SMPD4: variants seen among roughly 807,000 people sequenced by gnomAD.
The protein encoded by SMPD4 is sphingomyelin phosphodiesterase 4, also known as neutral sphingomyelinase 3.
SMPD4 carries 58 observed loss-of-function variants against 97.8 expected under a neutral mutation model. That is an observed-to-expected ratio of 0.59 (90% CI 0.48 to 0.74). The LOEUF (loss-of-function observed/expected upper bound fraction) is 0.74. Ranked by LOEUF, SMPD4 falls within the 30% of genes least tolerant of loss-of-function variation. The probability of loss-of-function intolerance (pLI) is 0.00; values close to 1 mark genes in which losing one functional copy is unlikely to be tolerated. For synonymous variants in SMPD4, 388 were observed against 450.0 expected, an observed-to-expected ratio of 0.86 and a Z score of 1.74; for missense variants, 853 against 1,080.5, an observed-to-expected ratio of 0.79 and a Z score of 2.95.
chr2:130,180,359 G>A (rs10928961), intron 1 of SMPD4, among the ~76,000 whole-genome samples: 56,357 of 151,458 alleles, frequency 0.37, 10,671 homozygotes, highest in East Asian at 0.46. Flanking sequence ...TGCAACCTCC[G>A]CCTCGCGGGT....
chr2:130,166,358 AACCTTCCAGT>A (rs1687928096), intron 9 of SMPD4, among the ~76,000 whole-genome samples: 1 of 151,302 alleles, frequency 6.6e-6, no homozygotes, highest in African/African-American at 2.4e-5. Flanking sequence ...GGAACAGCAG[AACCTTCCAGT>A]TCTTCCCTAT....
Position 130,157,313 on chromosome 2 carries a change from C to T in SMPD4, c.1035G>A (p.Lys345=). The change falls in exon 12 of 20, where the codon AAG becomes AAA. Residue 345 remains lysine (K), a synonymous_variant. Coordinates refer to ENST00000680298, the MANE Select transcript of SMPD4 (RefSeq NM_017951.5). The part of the protein sequence containing the change: ...KHLHAFANSL[K]PEQASPSAHS... ...GGGCGGAGGGTGAGGCCTGCTCTGG[C>T]TTCAGGCTGTTGGCAAAGGCGTGCA... is the stretch of plus-strand genomic sequence containing the variant. The T allele has an allele frequency of 6.3e-7, 1 of 1,582,170 alleles. No homozygotes were observed. The highest frequency in any genetic ancestry group is 8.6e-7 in the Non-Finnish European group (1 of 1,164,954).
At chr2:130,160,697 G>A (rs1040813752) in intron 11 of SMPD4, among the ~76,000 whole-genome samples, 8 of 151,416 alleles carry the variant, frequency 5.3e-5, no homozygotes, top group East Asian at 2.0e-4. Flanking sequence ...TGCCTCACAC[G>A]CAAGCTCTGG....
chr2:130,169,842 G>A (rs1688273781), intron 8 of SMPD4, among the ~76,000 whole-genome samples: 1 of 152,200 alleles, frequency 6.6e-6, no homozygotes, highest in Non-Finnish European at 1.5e-5. Context: ...GTGAGCCACT[G>A]TGCTCAGCCT....
chr2:130,173,231 C>A, intron 5 of SMPD4, 48 bp downstream of exon 5: 1 of 1,561,346 alleles, frequency 6.4e-7, no homozygotes, highest in South Asian at 1.1e-5. Flanking sequence ...CAGGGCTGTG[C>A]AAGGCCCACT....
At chr2:130,181,402 G>C in intron 1 of SMPD4, 128 bp downstream of exon 1, 2 of 1,479,560 alleles carry the variant, frequency 1.4e-6, no homozygotes, top group Middle Eastern at 2.2e-4. Flanking sequence ...AGCCTGCCCT[G>C]CCTGGGCAGA....
chr2:130,178,726 C>T (rs1254826165), intron 1 of SMPD4, among the ~76,000 whole-genome samples: 2 of 149,768 alleles, frequency 1.3e-5, no homozygotes, highest in South Asian at 2.1e-4. Flanking sequence ...GCCCAGGAGG[C>T]GGAGGTTGCA....
intron 3 of SMPD4, among the ~76,000 whole-genome samples, chr2:130,174,385 T>G (rs1688776025): frequency 6.6e-6 from 1 of 152,314 alleles, no homozygotes. Context: ...GAAAGCAACA[T>G]CCTTTCCAGA....
At chr2:130,177,762 AG>A (rs1689109863) in intron 1 of SMPD4, among the ~76,000 whole-genome samples, 1 of 151,932 alleles carries the variant, frequency 6.6e-6, no homozygotes, top group South Asian at 2.1e-4. Flanking sequence ...TTCAGAGCCA[AG>A]TTTGTAGTAC....
intron 9 of SMPD4, among the ~76,000 whole-genome samples, chr2:130,164,872 G>A (rs1217042306): frequency 5.3e-5 from 8 of 151,704 alleles, no homozygotes; most frequent in Non-Finnish European, 8.8e-5. Flanking sequence ...TTGGGAGGCC[G>A]AGGTGGGTGG....
chr2:130,175,627 AC>A (rs955487298), intron 2 of SMPD4, among the ~76,000 whole-genome samples: 3 of 152,254 alleles, frequency 2.0e-5, no homozygotes, highest in African/African-American at 7.2e-5. Context: ...AAGACTCAGG[AC>A]AAGGACTAAT....
At chr2:130,171,830 G>A (rs899343892) in intron 8 of SMPD4, among the ~76,000 whole-genome samples, 1 of 152,204 alleles carries the variant, frequency 6.6e-6, no homozygotes, top group East Asian at 1.9e-4. Context: ...CTGGGAAGTC[G>A]GCCTGCGTTA....
intron 11 of SMPD4, among the ~76,000 whole-genome samples, chr2:130,158,986 A>T (rs1466824977): frequency 6.6e-6 from 1 of 152,044 alleles, no homozygotes; most frequent in Non-Finnish European, 1.5e-5. Context: ...CTGAAGATGG[A>T]GCTATGGGGT....
chr2:130,155,705 G>C (rs1686711267), intron 14 of SMPD4, among the ~76,000 whole-genome samples: 1 of 151,990 alleles, frequency 6.6e-6, no homozygotes, highest in Non-Finnish European at 1.5e-5. Context: ...TCCCCTGCTT[G>C]ATCACCGCTG....
chr2:130,181,366 G>A (rs1017115684), intron 1 of SMPD4, 164 bp downstream of exon 1: 46 of 1,442,636 alleles, frequency 3.2e-5, no homozygotes, highest in Non-Finnish European at 4.0e-5. Context: ...GGTGGCAGAA[G>A]ACTCAACCGG....
Position 130,155,143 on chromosome 2 carries a change from A to T in SMPD4, c.1406T>A (p.Val469Glu). Reference protein sequence around the residue: ...SPKHALMVFRVAKVFAQPNLA... With the variant: ...SPKHALMVFREAKVFAQPNLA... Reference sequence around the variant, plus strand: ...GTTGGGCTGGGCAAAGACTTTGGCCACTCGGAACACCATGAGCGCGTGCTT... The same window carrying T: ...GTTGGGCTGGGCAAAGACTTTGGCCTCTCGGAACACCATGAGCGCGTGCTT... The change falls in exon 15 of 20, where the codon GTG becomes GAG. Residue 469 changes from valine to glutamate, a missense_variant. Physicochemically the swap from Val to Glu is moderately radical, Grantham distance 121. Coordinates refer to ENST00000680298, the MANE Select transcript of SMPD4 (RefSeq NM_017951.5). 1.2e-6 allele frequency: 2 copies of T among 1,614,160 alleles called. No homozygotes were observed. The highest frequency in any genetic ancestry group is 1.7e-6 in the Non-Finnish European group (2 of 1,180,030).
chr2:130,174,633 T>C (rs1396490002), intron 3 of SMPD4, among the ~76,000 whole-genome samples: 1 of 152,216 alleles, frequency 6.6e-6, no homozygotes, highest in African/African-American at 2.4e-5. Context: ...TCTTAGAAGC[T>C]AGTAGCACAC....
intron 16 of SMPD4, 92 bp downstream of exon 16, chr2:130,154,185 C>T (rs1686526372): frequency 7.1e-7 from 1 of 1,411,928 alleles, no homozygotes; most frequent in African/African-American, 1.4e-5. Flanking sequence ...TACCCAGCCT[C>T]CCTCCTTCCT....
Position 130,153,352 on chromosome 2 carries a change from G to C in SMPD4, c.1992C>G (p.Asp664Glu). 1.9e-6 allele frequency: 3 copies of C among 1,613,848 alleles called. No homozygotes were observed. The highest frequency in any genetic ancestry group is 2.5e-6 in the Non-Finnish European group (3 of 1,180,032). ...GCCCCAGGGGCGTAAGGATGAGTCC[G>C]TCCTCACCCACGATGCAGTCGGGGA... ...KQLPDCIVGE[D>E]GLILTPLGRY... The change falls in exon 18 of 20, where the codon GAC (aspartate) becomes GAG (glutamate). Residue 664 changes from aspartate (D) to glutamate (E), a missense_variant. Coordinates refer to ENST00000680298, the MANE Select transcript of SMPD4 (RefSeq NM_017951.5).
Sources: gnomAD v4.1 joint callset for allele counts (sites outside exome capture counted in the v4.1 genomes callset) on GRCh38, gnomAD v4.1.1 for gene constraint, MANE v1.5 for transcripts, NCBI Gene and HGNC (gene_info 2026-07-23, HGNC 2026-07-21) for gene names.